Variants in PCDHGA2 observed in about 807,000 individuals in gnomAD.
PCDHGA2 encodes the protein protocadherin gamma subfamily A, 2, also known as protocadherin gamma-A2.
A neutral mutation model predicts 59.2 loss-of-function variants in PCDHGA2; 40 were observed. The observed-to-expected ratio is 0.68, with a 90% CI of 0.52 to 0.88. The LOEUF is 0.88. Ranked by LOEUF, PCDHGA2 falls within the 40% of genes least tolerant of loss-of-function variation. The probability of loss-of-function intolerance (pLI) is 0.00; values close to 1 mark genes in which losing one functional copy is unlikely to be tolerated. For synonymous variants in PCDHGA2, 560 were observed against 526.0 expected, an observed-to-expected ratio of 1.06 and a Z score of -0.89; for missense variants, 1,226 against 1,204.0, an observed-to-expected ratio of 1.02 and a Z score of -0.27.
intron 1 of PCDHGA2, among the ~76,000 whole-genome samples, chr5:141,455,315 T>G (rs1416163436): frequency 6.6e-6 from 1 of 152,152 alleles, no homozygotes; most frequent in Non-Finnish European, 1.5e-5. Context: ...TTAGCAATTT[T>G]GTGTGTGTGT....
At position 141,493,262 on chromosome 5, in the gene PCDHGA2, A is replaced by G. The variant is rs148431133; in HGVS notation, c.2425-1545A>G. ...GGTACTAACATGCCTCTCTTATAAC[A>G]GCTTCACAGAGGTCAAGTGACTTGC... is the stretch of plus-strand genomic sequence containing the variant. On this transcript the variant is annotated intron_variant, in intron 1 of 3. Transcript: ENST00000394576. This position sits in a 1 kb window ranked among gnomAD's most constrained non-coding sequence, Gnocchi z 4.3. 5.1e-4 allele frequency among the ~76,000 whole-genome samples: 78 copies of G among 152,302 alleles called. No homozygotes were observed. Among genetic ancestry groups the G allele is most frequent in the African/African-American group, 1.7e-3 (72 of 41,574 alleles).
rs762398968 is a variant in PCDHGA2 at position 141,357,089 on chromosome 5, G to T, written c.2424+15694G>T. The T allele has an allele frequency of 2.5e-6, 4 of 1,613,760 alleles. No homozygotes were observed. Among genetic ancestry groups the T allele is most frequent in the Admixed American group, 3.3e-5 (2 of 60,010 alleles). ...CACACAGGCGAGGTGCGCACCGCAC[G>T]GGCCCTGCTGGACAGAGACGCGCTC... is the stretch of plus-strand genomic sequence containing the variant. On this transcript the variant is annotated intron_variant, in intron 1 of 3. Coordinates refer to ENST00000394576, the MANE Select transcript of PCDHGA2 (RefSeq NM_018915.4).
In PCDHGA2 at chr5:141,351,759, A is replaced by G; in HGVS notation, c.2424+10364A>G. ...CTGGAGCCGCGGGAGCTGTTGTCCT[A>G]CGTGTCCGTGAGCCCGCAGAGCGGG... is the stretch of plus-strand genomic sequence containing the variant. On this transcript the variant is annotated intron_variant, in intron 1 of 3. Coordinates refer to ENST00000394576, the MANE Select transcript of PCDHGA2 (RefSeq NM_018915.4). 1.9e-6 allele frequency: 3 copies of G among 1,613,582 alleles called. No individual in the cohort carries two copies. In the South Asian group the frequency reaches 3.3e-5, roughly 18 times the overall value.
At chr5:141,445,364 C>T (rs1374418361) in intron 1 of PCDHGA2, among the ~76,000 whole-genome samples, 1 of 152,158 alleles carries the variant, frequency 6.6e-6, no homozygotes, top group African/African-American at 2.4e-5. Flanking sequence ...CAAGTCTGGT[C>T]CTGGGTGGTT....
At chr5:141,346,135 C>T (rs1447176558) in intron 1 of PCDHGA2, 4 of 1,613,962 alleles carry the variant, frequency 2.5e-6, no homozygotes, top group East Asian at 2.2e-5. Flanking sequence ...GCCGCGGTCT[C>T]CTGCGTCTTC....
intron 1 of PCDHGA2, chr5:141,351,064 G>A: frequency 6.2e-7 from 1 of 1,614,060 alleles, no homozygotes; most frequent in Non-Finnish European, 8.5e-7. Context: ...ACCAGGATGA[G>A]GGCATTAATG....
At chr5:141,355,073 G>T in intron 1 of PCDHGA2, 1 of 1,374,922 alleles carries the variant, frequency 7.3e-7, no homozygotes, top group East Asian at 2.4e-5. Flanking sequence ...CTTTATGAAA[G>T]CTTCAAGCGG....
intron 1 of PCDHGA2, chr5:141,393,683 G>A (rs370409157): frequency 9.9e-6 from 16 of 1,613,730 alleles, no homozygotes; most frequent in South Asian, 8.8e-5. Context: ...AACAAACTCC[G>A]TTATTCCAGC....
chr5:141,390,207 C>G (rs1359982168), intron 1 of PCDHGA2: 5 of 1,614,028 alleles, frequency 3.1e-6, no homozygotes, highest in African/African-American at 1.3e-5. Flanking sequence ...GAGTTCAGGA[C>G]AAGACATACT....
At chr5:141,370,921 C>G in intron 1 of PCDHGA2, 1 of 1,613,978 alleles carries the variant, frequency 6.2e-7, no homozygotes, top group Non-Finnish European at 8.5e-7. Flanking sequence ...AGCCCTGATC[C>G]GCACTTCTCT....
Position 141,422,444 on chromosome 5 carries a change from T to TA in PCDHGA2, c.2425-72361dup, listed in dbSNP as rs1171104340. 1.9e-6 allele frequency: 3 copies of TA among 1,610,490 alleles called. No homozygotes were observed. The Admixed American group carries it at 5.1e-5, about 27-fold the overall frequency. ...ACTTATGGAAATTATTACAAATTGA[T>TA]AACAAGCAGAGTGCTGGACAGGGAG... On this transcript the variant is annotated intron_variant, in intron 1 of 3. Coordinates refer to ENST00000394576, the MANE Select transcript of PCDHGA2 (RefSeq NM_018915.4).
chr5:141,376,208 A>G, intron 1 of PCDHGA2: 1 of 1,614,128 alleles, frequency 6.2e-7, no homozygotes, highest in Non-Finnish European at 8.5e-7. Context: ...GGCCTTCGTC[A>G]TCGTGCTGCT....
chr5:141,356,803 A>G (rs1201687366), intron 1 of PCDHGA2: 2 of 1,614,078 alleles, frequency 1.2e-6, no homozygotes, highest in Admixed American at 3.3e-5. Flanking sequence ...GATGACAGCC[A>G]GTGACAGTGG....
intron 1 of PCDHGA2, chr5:141,415,677 C>T (rs375781400): frequency 4.7e-6 from 7 of 1,499,248 alleles, no homozygotes; most frequent in Middle Eastern, 1.8e-4. Flanking sequence ...TTGAAGTTTG[C>T]GGCATGATGG....
chr5:141,398,266 G>C, intron 1 of PCDHGA2: 1 of 1,439,368 alleles, frequency 6.9e-7, no homozygotes, highest in Non-Finnish European at 9.5e-7. Flanking sequence ...GGGCTCCGTA[G>C]TGGGGAACCT....
chr5:141,405,494 A>G, intron 1 of PCDHGA2: 1 of 840,532 alleles, frequency 1.2e-6, no homozygotes, highest in Non-Finnish European at 1.8e-6. Context: ...ATCTCGGCTC[A>G]TTGCAACCTC....
At chr5:141,427,222 A>T (rs536161247) in intron 1 of PCDHGA2, 8 of 456,774 alleles carry the variant, frequency 1.8e-5, no homozygotes, top group Non-Finnish European at 3.5e-5. Flanking sequence ...CGTAGCAGTT[A>T]TACCATGAGA....
intron 1 of PCDHGA2, chr5:141,440,464 G>C (rs2003094): frequency 1.3e-5 from 2 of 152,150 alleles, no homozygotes; most frequent in Admixed American, 6.5e-5. Context: ...ATGAACAAAC[G>C]GTAGTTGAAA....
chr5:141,433,514 G>C (rs1330494451), intron 1 of PCDHGA2, among the ~76,000 whole-genome samples: 1 of 152,016 alleles, frequency 6.6e-6, no homozygotes, highest in East Asian at 1.9e-4. Context: ...GATTACAGGC[G>C]TGAACCACAG....
Sources: allele counts gnomAD v4.1 joint callset (sites outside exome capture counted in the v4.1 genomes callset), GRCh38; gene constraint gnomAD v4.1.1; non-coding constraint Gnocchi (gnomAD v3.1); transcripts MANE v1.5; gene names NCBI Gene and HGNC (gene_info 2026-07-23, HGNC 2026-07-21).